Variants in TMEM100 observed in about 807,000 individuals in gnomAD.
TMEM100 encodes transmembrane protein 100.
For synonymous variants in TMEM100, 61 were observed against 67.1 expected (o/e 0.91, Z 0.44); for missense variants, 137 against 168.2 (o/e 0.81, Z 1.02).
chr17:55,724,741 A>C (rs1857912025), upstream of TMEM100, among the ~76,000 whole-genome samples: 1 of 152,214 alleles, frequency 6.6e-6, no homozygotes, highest in Non-Finnish European at 1.5e-5. Flanking sequence ...CTGTTACCAA[A>C]GCTAAAGGTG....
upstream of TMEM100, among the ~76,000 whole-genome samples, chr17:55,724,519 G>A (rs1909011654): frequency 6.6e-6 from 1 of 152,158 alleles, no homozygotes; most frequent in African/African-American, 2.4e-5. Context: ...ACTTGCCAAA[G>A]TTGCCCCCGG....
chr17:55,731,208 T>G (rs1909197517), intron 1 of TMEM100, among the ~76,000 whole-genome samples: 1 of 152,226 alleles, frequency 6.6e-6, no homozygotes, highest in African/African-American at 2.4e-5. Context: ...TAACTTAGTT[T>G]GCAAAACTTT....
At chr17:55,724,816 C>T (rs1200550500), upstream of TMEM100, among the ~76,000 whole-genome samples, 1 of 152,176 alleles carries the variant, frequency 6.6e-6, no homozygotes, top group Non-Finnish European at 1.5e-5. Context: ...TTGACTGAGT[C>T]TATAATGAGG....
At chr17:55,721,163 A>G (rs1908874208) in intron 1 of TMEM100, 28 bp from the exon 2 acceptor site, 2 of 1,442,014 alleles carry the variant, frequency 1.4e-6, no homozygotes, top group Non-Finnish European at 1.9e-6. Context: ...GATGTCAGCT[A>G]CATGTATCAG....
At chr17:55,724,669 A>G (rs1909015973), upstream of TMEM100, among the ~76,000 whole-genome samples, 1 of 152,226 alleles carries the variant, frequency 6.6e-6, no homozygotes, top group Admixed American at 6.5e-5. Context: ...TGCCTGCAAG[A>G]TAGCCCAATA....
At chr17:55,721,502 A>G (rs960295743) in intron 1 of TMEM100, 4 of 160,052 alleles carry the variant, frequency 2.5e-5, no homozygotes, top group Admixed American at 2.4e-4. Flanking sequence ...ATTACAAACA[A>G]TATTTCGTAC....
chr17:55,721,419 C>G (rs1377264608), intron 1 of TMEM100: 2 of 207,078 alleles, frequency 9.7e-6, no homozygotes, highest in African/African-American at 4.6e-5. Context: ...TTGTCTATTG[C>G]TTCTCCTTCC....
At chr17:55,725,699 ATATGTGTGTGTGTGTG>A (rs1211789608), upstream of TMEM100, among the ~76,000 whole-genome samples, 641 of 88,534 alleles carry the variant, frequency 7.2e-3, 7 homozygotes, top group African/African-American at 0.024. Flanking sequence ...TAACCCATAT[ATATGTGTGTGTGTGTG>A]TGTGTGTGTG....
chr17:55,725,711 G>A (rs1265301612), upstream of TMEM100, among the ~76,000 whole-genome samples: 7 of 115,482 alleles, frequency 6.1e-5, no homozygotes, highest in Non-Finnish European at 1.1e-4. Flanking sequence ...ATGTGTGTGT[G>A]TGTGTGTGTG....
At position 55,721,031 on chromosome 17, in the gene TMEM100, T is replaced by C. The variant is rs1908867393; in HGVS notation, c.40A>G (p.Lys14Glu). The change falls in exon 2 of 2, where the codon AAG (lysine) becomes GAG (glutamate). Residue 14 changes from lysine (K) to glutamate (E), a missense_variant. Transcript: ENST00000424486. ...EPIKEILGAP[K>E]AHMAATMEKS... ...TCCATCGTCGCTGCCATGTGAGCCT[T>C]TGGGGCTCCCAGGATCTCCTTGATG... The C allele has an allele frequency of 6.2e-7, 1 of 1,613,742 alleles. No individual in the cohort carries two copies. Among genetic ancestry groups the C allele is most frequent in the East Asian group, 2.2e-5 (1 of 44,878 alleles).
At position 55,720,809 on chromosome 17, in the gene TMEM100, A is replaced by C. The variant is rs763627066; in HGVS notation, c.262T>G (p.Phe88Val). The change falls in exon 2 of 2, where the codon TTT becomes GTT. Residue 88 changes from phenylalanine to valine, a missense_variant. Phe to Val is a conservative substitution (Grantham distance 50). Transcript: ENST00000424486. ...CCAGATGACAGAACAACCAGGCCAA[A>C]GATGGAGATAATAGACCCATGGGAA... ...FNSHGSIISI[F>V]GLVVLSSGLF... is the part of the protein sequence containing the mutation. 5 of 1,614,242 alleles carry C rather than the reference A, an allele frequency of 3.1e-6. No homozygotes were observed. Among genetic ancestry groups the C allele is most frequent in the Non-Finnish European group, 3.4e-6 (4 of 1,180,044 alleles).
chr17:55,729,109 G>T (rs891224438), intron 1 of TMEM100, among the ~76,000 whole-genome samples: 4 of 152,238 alleles, frequency 2.6e-5, no homozygotes, highest in African/African-American at 2.4e-5. Context: ...ATTGCACAGT[G>T]AGCTCTGTGC....
chr17:55,729,664 A>T (rs1421442456), intron 1 of TMEM100, among the ~76,000 whole-genome samples: 4 of 152,214 alleles, frequency 2.6e-5, no homozygotes, highest in African/African-American at 7.2e-5. Flanking sequence ...TTTTGCTGAC[A>T]CACATACAAT....
chr17:55,724,598 T>A (rs1909014196), upstream of TMEM100, among the ~76,000 whole-genome samples: 1 of 152,216 alleles, frequency 6.6e-6, no homozygotes, highest in African/African-American at 2.4e-5. Context: ...AACAGAGCTG[T>A]CTTCTCACCT....
At chr17:55,725,701 A>ATATGTGTG (rs71363812), upstream of TMEM100, among the ~76,000 whole-genome samples, 600 of 139,634 alleles carry the variant, frequency 4.3e-3, 3 homozygotes, top group African/African-American at 0.013. Context: ...ACCCATATAT[A>ATATGTGTG]TGTGTGTGTG....
At chr17:55,726,817 A>C (rs904351714), upstream of TMEM100, among the ~76,000 whole-genome samples, 1 of 152,158 alleles carries the variant, frequency 6.6e-6, no homozygotes, top group Non-Finnish European at 1.5e-5. Flanking sequence ...TTCATTTTGG[A>C]TAGCAGGTCA....
chr17:55,720,621 G>C lies in TMEM100; in HGVS notation c.*45C>G, dbSNP rs1222783364. 2 of 1,544,370 alleles carry C rather than the reference G, an allele frequency of 1.3e-6. No individual in the cohort carries two copies. The highest frequency in any genetic ancestry group is 2.8e-5 in the African/African-American group (2 of 72,504). The stretch of plus-strand genomic sequence containing the variant: ...CTGGGTGAATTGGGTGACAAAGTCA[G>C]AGCACGTTTTCCAGGCCCAATGGCC... On this transcript the variant is annotated 3_prime_UTR_variant, in exon 2 of 2. Transcript: ENST00000424486.
upstream of TMEM100, chr17:55,722,904 C>G (rs1308911899): frequency 6.6e-6 from 1 of 152,202 alleles, no homozygotes; most frequent in African/African-American, 2.4e-5. Context: ...TTCCCTCCCC[C>G]TCGGGTTTGC....
upstream of TMEM100, among the ~76,000 whole-genome samples, chr17:55,726,025 G>A (rs1166364845): frequency 2.0e-5 from 3 of 152,242 alleles, no homozygotes; most frequent in East Asian, 1.9e-4. Context: ...GGTAATAAAA[G>A]GAGTACAAGG....
Sources: allele counts gnomAD v4.1 joint callset (sites outside exome capture counted in the v4.1 genomes callset), GRCh38; gene constraint gnomAD v4.1.1; transcripts MANE v1.5; gene names NCBI Gene and HGNC (gene_info 2026-07-23, HGNC 2026-07-21).